The following LRP5 variants were observed in gnomAD, a reference collection of about 807,000 sequenced individuals.
LRP5 encodes the protein low-density lipoprotein receptor-related protein 5.
Under a neutral mutation model 154.1 loss-of-function variants are expected in LRP5, and 62 were observed. The observed-to-expected ratio is 0.40, with a 90% CI of 0.33 to 0.50. LRP5 has a LOEUF of 0.50. LRP5 is among the 20% of genes least tolerant of loss of function. The pLI is 0.55. For missense variants in LRP5, 1,915 were observed against 2,336.7 expected, an observed-to-expected ratio of 0.82 and a Z score of 3.72; for synonymous variants, 966 against 1,011.5, an observed-to-expected ratio of 0.96 and a Z score of 0.85.
At chr11:68,369,105 T>C (rs1218773812) in intron 5 of LRP5, among the ~76,000 whole-genome samples, 1 of 152,256 alleles carries the variant, frequency 6.6e-6, no homozygotes, top group Non-Finnish European at 1.5e-5. Flanking sequence ...CCTAAAGTTC[T>C]AGGATCACAG....
intron 17 of LRP5, among the ~76,000 whole-genome samples, chr11:68,431,935 G>A (rs143911914): frequency 5.7e-4 from 87 of 152,280 alleles, no homozygotes; most frequent in African/African-American, 1.9e-3. Context: ...CTCGAGAGAC[G>A]TGTATTTACC....
At chr11:68,342,746 G>A (rs769367916) in intron 1 of LRP5, among the ~76,000 whole-genome samples, 3 of 152,216 alleles carry the variant, frequency 2.0e-5, no homozygotes, top group Admixed American at 1.3e-4. Flanking sequence ...GGCCTCCCCC[G>A]GTGTGGGTTG....
At chr11:68,424,985 C>T in intron 14 of LRP5, 117 bp from the exon 15 acceptor site, 1 of 799,788 alleles carries the variant, frequency 1.3e-6, no homozygotes, top group South Asian at 1.5e-5. Flanking sequence ...GACCTGTCAG[C>T]CTCGGGCAGC....
chr11:68,413,702 C>T lies in LRP5; in HGVS notation c.2517C>T (p.Val839=), dbSNP rs375223225. The change falls in exon 12 of 23, where the codon GTC becomes GTT. Residue 839 remains valine, a synonymous_variant. Coordinates refer to ENST00000294304, the MANE Select transcript of LRP5 (RefSeq NM_002335.4). This position sits in a 1 kb window ranked among gnomAD's most constrained non-coding sequence, Gnocchi z 5.1. ...GTGTTCATGCAGGTCAGGAGCGGGT[C>T]GTGATTGCCGACGATCTCCCGCACC... is the stretch of plus-strand genomic sequence containing the variant. ...ESSNMLGQER[V]VIADDLPHPF... 92 of 1,613,724 alleles carry T rather than the reference C, an allele frequency of 5.7e-5. No individual in the cohort carries two copies. Among genetic ancestry groups the T allele is most frequent in the Admixed American group, 6.7e-5 (4 of 60,018 alleles).
intron 1 of LRP5, among the ~76,000 whole-genome samples, chr11:68,313,549 G>A (rs569685199): frequency 6.6e-6 from 1 of 152,212 alleles, no homozygotes; most frequent in South Asian, 2.1e-4. Context: ...CCAACTTTTG[G>A]TGTTTCCCAG....
chr11:68,397,556 C>A (rs763134185), intron 7 of LRP5, among the ~76,000 whole-genome samples: 1 of 152,178 alleles, frequency 6.6e-6, no homozygotes, highest in African/African-American at 2.4e-5. Flanking sequence ...TTCCAAATGG[C>A]GACACCTGGT....
chr11:68,326,912 G>A (rs1372457835), intron 1 of LRP5, among the ~76,000 whole-genome samples: 1 of 152,222 alleles, frequency 6.6e-6, no homozygotes, highest in East Asian at 1.9e-4. Context: ...TGGCTTCAGC[G>A]CTCTGTACCT....
intron 1 of LRP5, among the ~76,000 whole-genome samples, chr11:68,324,611 T>TA (rs1264474536): frequency 8.6e-5 from 13 of 152,010 alleles, no homozygotes; most frequent in Admixed American, 7.8e-4. Flanking sequence ...CAGTTTTAAT[T>TA]AAAAAAAAAT....
Position 68,449,069 on chromosome 11 carries a change from G to C in LRP5, c.4847G>C (p.Ter1616SerextTer13). ...CCGTCCCCCTGCACGGACTCATCCTGACCTCGGCCGGGCCACTCTGGCTTC... is the reference window on the plus strand; with the variant it reads ...CCGTCCCCCTGCACGGACTCATCCTCACCTCGGCCGGGCCACTCTGGCTTC... ...PPPSPCTDSS* is the reference protein window; with the variant it reads ...PPPSPCTDSSS Residue 1616 changes from the stop codon to serine (S), a stop_lost, in exon 23 of 23, where the codon TGA becomes TCA. Coordinates refer to ENST00000294304, the MANE Select transcript of LRP5 (RefSeq NM_002335.4). 6.5e-7 allele frequency: 1 copy of C among 1,539,378 alleles called. No homozygotes were observed. Among genetic ancestry groups the C allele is most frequent in the Non-Finnish European group, 8.7e-7 (1 of 1,144,714 alleles).
Position 68,423,648 on chromosome 11 carries a change from C to T in LRP5, c.3187C>T (p.Arg1063Cys), listed in dbSNP as rs753926639. 15 of 1,613,828 alleles carry T rather than the reference C, an allele frequency of 9.3e-6. No homozygotes were observed. Among genetic ancestry groups the T allele is most frequent in the Admixed American group, 3.3e-5 (2 of 60,004 alleles). Residue 1063 changes from arginine to cysteine, a missense_variant, in exon 14 of 23, where the codon CGT (arginine) becomes TGT (cysteine). Physicochemically the swap from Arg to Cys is radical, Grantham distance 180. This residue lies in a region of LRP5 where 1,094 missense variants were observed against 1,210.1 expected (regional missense o/e 0.90). Coordinates refer to ENST00000294304, the MANE Select transcript of LRP5 (RefSeq NM_002335.4). This position sits in a 1 kb window ranked among gnomAD's most constrained non-coding sequence, Gnocchi z 4.7. The stretch of plus-strand genomic sequence containing the variant: ...CGGGGAAGCCATGGGGGTGGTGCTG[C>T]GTGGGGACCGCGACAAGCCCAGGGC... ...LSGEAMGVVLRGDRDKPRAIV... is the reference protein window; with the variant it reads ...LSGEAMGVVLCGDRDKPRAIV...
chr11:68,346,818 C>G (rs1213954868), intron 1 of LRP5, among the ~76,000 whole-genome samples: 1 of 152,222 alleles, frequency 6.6e-6, no homozygotes, highest in Non-Finnish European at 1.5e-5. Flanking sequence ...CTGTCCACAT[C>G]TTGTGTTCAC....
the LRP5 span, among the ~76,000 whole-genome samples, chr11:68,305,398 A>G: frequency 5.3e-5 from 8 of 151,928 alleles, no homozygotes; most frequent in African/African-American, 1.7e-4. Context: ...ACCGGGAGCC[A>G]GTTAACCCCT....
In LRP5 at chr11:68,403,771, C is replaced by T. The variant is rs2098654022; in HGVS notation, c.1801+72C>T. 69 of 1,579,142 alleles carry T rather than the reference C, an allele frequency of 4.4e-5. 1 individual carries two copies. The South Asian group carries it at 7.0e-4, about 16-fold the overall frequency. On this transcript the variant is annotated intron_variant, in intron 8 of 22. Transcript: ENST00000294304. ...ATGAGGAGGAAGTGACGGGTCCATG[C>T]CTGGGCATAAGTGTTGAGCTCAGGT...
intron 4 of LRP5, among the ~76,000 whole-genome samples, chr11:68,364,649 C>T (rs545513464): frequency 6.6e-5 from 10 of 152,160 alleles, no homozygotes; most frequent in Non-Finnish European, 1.0e-4. Flanking sequence ...AGTGGGGCTG[C>T]GGCTCTGGGG....
Position 68,413,755 on chromosome 11 carries a change from A to G in LRP5, c.2570A>G (p.Tyr857Cys), listed in dbSNP as rs762646007. The G allele has an allele frequency of 3.1e-6, 5 of 1,613,726 alleles. No individual in the cohort carries two copies. The highest frequency in any genetic ancestry group is 2.7e-5 in the African/African-American group (2 of 74,930). ...HPFGLTQYSD[Y>C]IYWTDWNLHS... is the part of the protein sequence containing the mutation. ...TTCGGTCTGACGCAGTACAGCGATTATATCTACTGGACAGACTGGAATCTG... is the reference window on the plus strand; with the variant it reads ...TTCGGTCTGACGCAGTACAGCGATTGTATCTACTGGACAGACTGGAATCTG... Residue 857 changes from tyrosine to cysteine, a missense_variant, in exon 12 of 23, where the codon TAT becomes TGT. Tyr to Cys is a radical substitution (Grantham distance 194). Around this residue, in one of 3 missense-constraint regions of LRP5, gnomAD observed 1,094 missense variants for 1,210.1 expected, o/e 0.90. Coordinates refer to ENST00000294304, the MANE Select transcript of LRP5 (RefSeq NM_002335.4). The surrounding 1 kb of genome is among the most constrained non-coding windows in gnomAD (Gnocchi z 5.1).
chr11:68,356,143 C>CT (rs35481601), intron 2 of LRP5, among the ~76,000 whole-genome samples: 29,864 of 133,220 alleles, frequency 0.22, 3,658 homozygotes, highest in Non-Finnish European at 0.29. Flanking sequence ...CGCACCCAGC[C>CT]TTTTTTTTTT....
At chr11:68,448,578 G>A in intron 22 of LRP5, among the ~76,000 whole-genome samples, 1 of 152,202 alleles carries the variant, frequency 6.6e-6, no homozygotes. Context: ...CCCAGGCTTG[G>A]CAGGCTGCAG....
intron 7 of LRP5, 137 bp downstream of exon 7, chr11:68,390,189 T>C: frequency 1.8e-6 from 2 of 1,094,994 alleles, no homozygotes; most frequent in Non-Finnish European, 2.7e-6. Flanking sequence ...AGAAAATAGT[T>C]ACAATACTTT....
At chr11:68,376,756 A>C (rs1236614502) in intron 5 of LRP5, among the ~76,000 whole-genome samples, 2 of 152,240 alleles carry the variant, frequency 1.3e-5, no homozygotes, top group African/African-American at 4.8e-5. Flanking sequence ...GGGTTCAGAA[A>C]GGCACCCTGT....
Sources: allele counts gnomAD v4.1 joint callset (sites outside exome capture counted in the v4.1 genomes callset), GRCh38; gene constraint gnomAD v4.1.1; regional missense constraint gnomAD v4.1.1; non-coding constraint Gnocchi (gnomAD v3.1); transcripts MANE v1.5; gene names NCBI Gene and HGNC (gene_info 2026-07-23, HGNC 2026-07-21).